ADAM2: variants seen among roughly 807,000 people sequenced by gnomAD.
ADAM2 encodes ADAM metallopeptidase domain 2.
Under a neutral mutation model 99.3 loss-of-function variants are expected in ADAM2, and 101 were observed. The ratio of observed to expected loss-of-function variants is 1.02; its 90% CI spans 0.87 to 1.20. The LOEUF (loss-of-function observed/expected upper bound fraction) is 1.20. Ranked by LOEUF, ADAM2 falls within the 50% of genes most tolerant of loss-of-function variation. ADAM2 has a pLI of 0.00. For synonymous variants in ADAM2, 323 were observed against 287.6 expected (o/e 1.12, Z -1.25); for missense variants, 948 against 878.7 (o/e 1.08, Z -1.00).
chr8:39,837,599 A>G (rs1805893004), intron 1 of ADAM2, among the ~76,000 whole-genome samples: 2 of 151,928 alleles, frequency 1.3e-5, no homozygotes, highest in African/African-American at 2.4e-5. Flanking sequence ...GTTGGCCGGG[A>G]TGGTCTCGAT....
chr8:39,809,526 A>C lies in ADAM2; in HGVS notation c.514-60T>G. On this transcript the variant is annotated intron_variant, in intron 6 of 20. Coordinates refer to ENST00000265708, the MANE Select transcript of ADAM2 (RefSeq NM_001464.5). ...AGAATTACTTAAGTATTTTTAGTGC[A>C]TGTCACTACTATTAATGAACTAAAT... 5.2e-6 allele frequency: 4 copies of C among 764,570 alleles called. No individual in the cohort carries two copies. In the East Asian group the frequency reaches 1.0e-4, roughly 20 times the overall value. 47.4% of individuals were successfully genotyped at this position (764,570 alleles called of 1,614,324 possible).
At chr8:39,821,282 C>G in intron 5 of ADAM2, 112 bp from the exon 6 acceptor site, 1 of 781,074 alleles carries the variant, frequency 1.3e-6, no homozygotes, top group East Asian at 2.7e-5. Context: ...TAGCCTGAAT[C>G]TAAGGTGATA....
chr8:39,821,104 T>C lies in ADAM2; in HGVS notation c.411A>G (p.Glu137=). Residue 137 remains glutamate (E), a synonymous_variant, in exon 6 of 21, where the codon GAA becomes GAG. Transcript: ENST00000265708. The part of the protein sequence containing the change: ...IEPLESSVGF[E]HVIYQVKHKK... ...TATGTTTTACTTGGTAAATTACATG[T>C]TCAAAGCCAACTGAAGACTCCAGGG... is the stretch of plus-strand genomic sequence containing the variant. The C allele has an allele frequency of 6.2e-7, 1 of 1,611,824 alleles. No homozygotes were observed. Among genetic ancestry groups the C allele is most frequent in the Non-Finnish European group, 8.5e-7 (1 of 1,178,248 alleles).
intron 2 of ADAM2, among the ~76,000 whole-genome samples, 174 bp from the exon 3 acceptor site, chr8:39,834,173 A>G (rs1338399939): frequency 6.6e-6 from 1 of 152,168 alleles, no homozygotes; most frequent in East Asian, 1.9e-4. Context: ...ATAATTCTAG[A>G]TTTCATAATC....
intron 7 of ADAM2, among the ~76,000 whole-genome samples, chr8:39,801,666 G>T (rs1486609803): frequency 6.6e-6 from 1 of 151,984 alleles, no homozygotes; most frequent in Non-Finnish European, 1.5e-5. Flanking sequence ...CCTCCCCCTG[G>T]GGGCTCAGGC....
At chr8:39,796,135 T>C (rs1302333892) in intron 7 of ADAM2, among the ~76,000 whole-genome samples, 2 of 151,978 alleles carry the variant, frequency 1.3e-5, no homozygotes, top group Non-Finnish European at 2.9e-5. Flanking sequence ...CATAGGTATA[T>C]GTGTGCCATG....
chr8:39,819,829 A>G (rs919424383), intron 6 of ADAM2, among the ~76,000 whole-genome samples: 1 of 150,766 alleles, frequency 6.6e-6, no homozygotes, highest in East Asian at 2.0e-4. Flanking sequence ...CTCTCTGTGT[A>G]TGTACACAAA....
chr8:39,751,620 T>C (rs28374483), intron 16 of ADAM2, among the ~76,000 whole-genome samples: 1 of 152,044 alleles, frequency 6.6e-6, no homozygotes, highest in African/African-American at 2.4e-5. Context: ...GCTAAAAAAA[T>C]TAAAAATTAT....
chr8:39,745,886 A>T (rs1215389562), intron 19 of ADAM2, among the ~76,000 whole-genome samples: 1 of 152,116 alleles, frequency 6.6e-6, no homozygotes, highest in Non-Finnish European at 1.5e-5. Context: ...TAAACTTTAA[A>T]CTTGAATGGA....
At chr8:39,827,527 G>A (rs1032139501) in intron 3 of ADAM2, among the ~76,000 whole-genome samples, 16 of 152,052 alleles carry the variant, frequency 1.1e-4, no homozygotes, top group African/African-American at 3.4e-4. Context: ...CAGTATATAT[G>A]CACAATGGAA....
intron 6 of ADAM2, among the ~76,000 whole-genome samples, chr8:39,810,852 C>A (rs1020951101): frequency 1.3e-5 from 2 of 152,076 alleles, no homozygotes; most frequent in Admixed American, 6.6e-5. Flanking sequence ...AAAATTGACA[C>A]CCTAACATCA....
chr8:39,765,284 T>C (rs1286711889), intron 14 of ADAM2, among the ~76,000 whole-genome samples: 1 of 152,078 alleles, frequency 6.6e-6, no homozygotes, highest in Non-Finnish European at 1.5e-5. Context: ...AGACTATTGG[T>C]GGCCACTAAA....
rs187758265 is a variant in ADAM2, at chr8:39,766,910, C to T, written c.1445G>A (p.Trp482Ter). Residue 482 changes from tryptophan (W) to a stop codon, truncating the protein, a stop_gained, in exon 14 of 21, where the codon TGG becomes TAG. Transcript: ENST00000265708. LOFTEE classifies it high-confidence loss of function. ...QTGHPCGLNQ[W>*]ICIDGVCMSG... is the part of the protein sequence containing the mutation. ...CATACAAACTCCATCTATACAGATC[C>T]ATTGATTCAGTCCACACGGATGCCC... 21 of 1,613,962 alleles carry T rather than the reference C, an allele frequency of 1.3e-5. No homozygotes were observed. In the African/African-American group the frequency reaches 2.7e-4, roughly 21 times the overall value.
intron 7 of ADAM2, among the ~76,000 whole-genome samples, chr8:39,791,365 G>C (rs1211613839): frequency 6.6e-6 from 1 of 152,036 alleles, no homozygotes; most frequent in African/African-American, 2.4e-5. Context: ...TGATAAATCT[G>C]CCTGACACAG....
At chr8:39,784,883 A>AT (rs1182753901) in intron 10 of ADAM2, among the ~76,000 whole-genome samples, 2 of 152,074 alleles carry the variant, frequency 1.3e-5, no homozygotes, top group African/African-American at 4.8e-5. Flanking sequence ...TCTTTTGCCC[A>AT]TTTTTTAATG....
At chr8:39,787,678 T>G (rs1331155323) in intron 9 of ADAM2, among the ~76,000 whole-genome samples, 1 of 151,508 alleles carries the variant, frequency 6.6e-6, no homozygotes, top group African/African-American at 2.4e-5. Context: ...TGCAGATATA[T>G]TAGAGATATT....
intron 7 of ADAM2, among the ~76,000 whole-genome samples, chr8:39,792,389 T>G (rs1476219891): frequency 6.6e-6 from 1 of 152,072 alleles, no homozygotes; most frequent in Non-Finnish European, 1.5e-5. Context: ...TTCATTGATA[T>G]GAAGTAGTTT....
At chr8:39,793,862 C>A (rs1803823600) in intron 7 of ADAM2, among the ~76,000 whole-genome samples, 1 of 151,994 alleles carries the variant, frequency 6.6e-6, no homozygotes, top group Admixed American at 6.6e-5. Flanking sequence ...TCTATACAGC[C>A]CATAATGTCC....
intron 18 of ADAM2, among the ~76,000 whole-genome samples, chr8:39,749,030 C>A (rs1823590956): frequency 6.6e-6 from 1 of 152,056 alleles, no homozygotes; most frequent in South Asian, 2.1e-4. Context: ...CTCATCTATG[C>A]AATTACCGGA....
Sources: allele counts gnomAD v4.1 joint callset (sites outside exome capture counted in the v4.1 genomes callset), GRCh38; gene constraint gnomAD v4.1.1; transcripts MANE v1.5; gene names NCBI Gene and HGNC (gene_info 2026-07-23, HGNC 2026-07-21).